Variants in STXBP5L observed in about 807,000 individuals in gnomAD.
STXBP5L encodes syntaxin binding protein 5L, also known as syntaxin-binding protein 5-like.
STXBP5L carries 65 observed loss-of-function variants against 144.5 expected under a neutral mutation model. The observed-to-expected ratio is 0.45, with a 90% CI of 0.37 to 0.55. The LOEUF (loss-of-function observed/expected upper bound fraction) is 0.55, where lower values mean the gene tolerates loss of function less well. Ranked by LOEUF, STXBP5L falls within the 20% of genes least tolerant of loss-of-function variation. The pLI is 0.00. For synonymous variants in STXBP5L, 505 were observed against 469.6 expected (o/e 1.08, Z -0.97); for missense variants, 1,298 against 1,405.5 (o/e 0.92, Z 1.22).
At chr3:120,981,290 A>AT (rs924264042) in intron 3 of STXBP5L, among the ~76,000 whole-genome samples, 21 of 152,086 alleles carry the variant, frequency 1.4e-4, no homozygotes, top group Admixed American at 2.6e-4. Context: ...TATTCCCTCA[A>AT]TTTTTTTAAT....
chr3:121,258,997 A>G (rs565633387), intron 17 of STXBP5L, 46 bp from the exon 18 acceptor site: 17 of 1,491,426 alleles, frequency 1.1e-5, no homozygotes, highest in South Asian at 4.4e-5. Context: ...AAGTTTGACC[A>G]TGTTTATTTA....
intron 3 of STXBP5L, among the ~76,000 whole-genome samples, chr3:121,033,751 A>T (rs551319347): frequency 5.0e-4 from 76 of 152,056 alleles, no homozygotes; most frequent in Middle Eastern, 3.4e-3. Context: ...TAATTGAAAG[A>T]TAAATTATAG....
At chr3:121,414,123 T>G (rs564179576) in intron 24 of STXBP5L, among the ~76,000 whole-genome samples, 20 of 147,374 alleles carry the variant, frequency 1.4e-4, no homozygotes, top group African/African-American at 4.8e-4. Context: ...AATATTACTA[T>G]CATCACCATT....
intron 3 of STXBP5L, among the ~76,000 whole-genome samples, chr3:121,004,776 G>C (rs571031940): frequency 6.6e-6 from 1 of 152,064 alleles, no homozygotes; most frequent in East Asian, 1.9e-4. Context: ...GTTGAATTTT[G>C]TCAAAGGCCT....
chr3:121,118,107 T>C (rs1011457219), intron 6 of STXBP5L, among the ~76,000 whole-genome samples: 16 of 151,162 alleles, frequency 1.1e-4, no homozygotes, highest in African/African-American at 3.6e-4. Flanking sequence ...TACTGAGCTC[T>C]ATTATATGAT....
At chr3:121,245,083 T>C (rs1257625828) in intron 14 of STXBP5L, among the ~76,000 whole-genome samples, 4 of 152,112 alleles carry the variant, frequency 2.6e-5, no homozygotes, top group Non-Finnish European at 5.9e-5. Flanking sequence ...TTCTGGCATA[T>C]AATTTAAACA....
chr3:121,214,152 A>C (rs1262599939), intron 10 of STXBP5L, among the ~76,000 whole-genome samples: 1 of 152,028 alleles, frequency 6.6e-6, no homozygotes, highest in Admixed American at 6.6e-5. Context: ...CTTTTCAAAA[A>C]CCCGCACCTG....
At chr3:120,939,103 T>C (rs192352130) in intron 2 of STXBP5L, among the ~76,000 whole-genome samples, 1 of 152,266 alleles carries the variant, frequency 6.6e-6, no homozygotes, top group East Asian at 1.9e-4. Flanking sequence ...TTTGTAAGCC[T>C]CAATTTCATC....
chr3:121,168,049 G>A (rs2046566313), intron 9 of STXBP5L, among the ~76,000 whole-genome samples: 1 of 152,184 alleles, frequency 6.6e-6, no homozygotes, highest in South Asian at 2.1e-4. Context: ...AGGGTCTGGA[G>A]TGGACCTCCA....
At chr3:120,976,557 T>C (rs1242005115) in intron 3 of STXBP5L, among the ~76,000 whole-genome samples, 1 of 152,172 alleles carries the variant, frequency 6.6e-6, no homozygotes, top group Non-Finnish European at 1.5e-5. Flanking sequence ...AGTTCTGCTC[T>C]GATTTTAGTT....
At chr3:121,048,069 T>A (rs1039137965) in intron 5 of STXBP5L, among the ~76,000 whole-genome samples, 2 of 152,204 alleles carry the variant, frequency 1.3e-5, no homozygotes, top group Non-Finnish European at 2.9e-5. Context: ...TAGCATTTGC[T>A]TATCGGGAAA....
chr3:121,204,349 G>T (rs1036308537), intron 9 of STXBP5L, among the ~76,000 whole-genome samples: 2 of 152,096 alleles, frequency 1.3e-5, no homozygotes, highest in African/African-American at 4.8e-5. Context: ...GGCACAGTAT[G>T]TATATTTTTG....
At chr3:120,992,904 T>C (rs906703252) in intron 3 of STXBP5L, among the ~76,000 whole-genome samples, 4 of 152,158 alleles carry the variant, frequency 2.6e-5, no homozygotes, top group Non-Finnish European at 5.9e-5. Context: ...CCTATACTAA[T>C]TTACACTGCC....
At chr3:121,045,766 T>C (rs1321070069) in intron 5 of STXBP5L, among the ~76,000 whole-genome samples, 3 of 152,128 alleles carry the variant, frequency 2.0e-5, no homozygotes, top group Non-Finnish European at 4.4e-5. Context: ...TGGGCTGAGA[T>C]TATGGGGTTT....
At chr3:121,147,415 T>C (rs2045757854) in intron 7 of STXBP5L, among the ~76,000 whole-genome samples, 1 of 152,068 alleles carries the variant, frequency 6.6e-6, no homozygotes, top group Non-Finnish European at 1.5e-5. Context: ...TAAACAAAAT[T>C]GCAATAACAA....
intron 6 of STXBP5L, among the ~76,000 whole-genome samples, chr3:121,118,970 G>T (rs2044344033): frequency 6.6e-6 from 1 of 151,382 alleles, no homozygotes; most frequent in Non-Finnish European, 1.5e-5. Context: ...GATATATATG[G>T]ATCTGAAGGT....
In STXBP5L at chr3:121,419,860, G is replaced by C. The variant is rs540315221; in HGVS notation, c.*763G>C. 2 of 152,274 alleles carry C rather than the reference G, an allele frequency of 1.3e-5. No individual in the cohort carries two copies. The highest frequency in any genetic ancestry group is 4.1e-4 in the South Asian group (2 of 4,832). The allele number at this position is 152,274 out of a possible 1,614,324, so 9.4% of individuals were successfully genotyped here. ...GCTGTTTTTAGCACAAACCATGCAGGGTTGGGTCACCTCAAAGCATTTTCT... is the reference window on the plus strand; with the variant it reads ...GCTGTTTTTAGCACAAACCATGCAGCGTTGGGTCACCTCAAAGCATTTTCT... On this transcript the variant is annotated 3_prime_UTR_variant, in exon 27 of 27. Coordinates refer to ENST00000471454, the MANE Select transcript of STXBP5L (RefSeq NM_001308330.2).
intron 6 of STXBP5L, among the ~76,000 whole-genome samples, chr3:121,119,479 T>G (rs1003229035): frequency 6.6e-6 from 1 of 151,434 alleles, no homozygotes; most frequent in African/African-American, 2.4e-5. Flanking sequence ...AAACTAATAT[T>G]AAGAAGGCTA....
At chr3:121,124,517 C>T (rs772234078) in intron 7 of STXBP5L, among the ~76,000 whole-genome samples, 27 of 151,866 alleles carry the variant, frequency 1.8e-4, no homozygotes, top group Non-Finnish European at 3.2e-4. Context: ...TAGCTCAATT[C>T]GATAAGTACC....
Sources: gnomAD v4.1 joint callset for allele counts (sites outside exome capture counted in the v4.1 genomes callset) on GRCh38, gnomAD v4.1.1 for gene constraint, MANE v1.5 for transcripts, NCBI Gene and HGNC (gene_info 2026-07-23, HGNC 2026-07-21) for gene names.